SORT1: variants seen among roughly 807,000 people sequenced by gnomAD.
The protein encoded by SORT1 is sortilin.
A neutral mutation model predicts 101.7 loss-of-function variants in SORT1; 39 were observed. The observed-to-expected ratio is 0.38, with a 90% CI of 0.30 to 0.50. The LOEUF (loss-of-function observed/expected upper bound fraction) is 0.50, where lower values mean the gene tolerates loss of function less well. Among genes scored for constraint, SORT1 ranks in the 20% least tolerant of loss-of-function variants. The probability of loss-of-function intolerance (pLI) is 0.90; values close to 1 mark genes in which losing one functional copy is unlikely to be tolerated. For synonymous variants in SORT1, 396 were observed against 393.7 expected, an observed-to-expected ratio of 1.01 and a Z score of -0.07; for missense variants, 878 against 1,040.4, an observed-to-expected ratio of 0.84 and a Z score of 2.15.
At chr1:109,344,951 C>T (rs1337662812) in intron 8 of SORT1, among the ~76,000 whole-genome samples, 1 of 152,160 alleles carries the variant, frequency 6.6e-6, no homozygotes, top group African/African-American at 2.4e-5. Flanking sequence ...CCCGCCTCAG[C>T]CTCCCAAAGT....
intron 1 of SORT1, among the ~76,000 whole-genome samples, chr1:109,378,699 GATATATATATATATATATATATATAT>G (rs58847953): frequency 0.12 from 4,350 of 35,550 alleles, 262 homozygotes; most frequent in Middle Eastern, 0.17. Context: ...TAGAGTGAAT[GATATATATATATATATATATATATAT>G]ATATATATAT....
At chr1:109,389,878 C>T (rs1037132625) in intron 1 of SORT1, 1 of 152,314 alleles carries the variant, frequency 6.6e-6, no homozygotes, top group Non-Finnish European at 1.5e-5. Context: ...CCTCTGGTTC[C>T]TCCAGCTCTA....
chr1:109,354,162 C>T (rs922487862), intron 5 of SORT1, among the ~76,000 whole-genome samples: 1 of 152,148 alleles, frequency 6.6e-6, no homozygotes, highest in African/African-American at 2.4e-5. Flanking sequence ...GACAACTAGG[C>T]ATCACACTTA....
In SORT1 at chr1:109,312,786, T is replaced by G. The variant is rs1658803407; in HGVS notation, c.*1257A>C. ...ATAATTTATTTAATTTAGAGAGGTA[T>G]CAAATGGAAAACTTCTTTTAATCCA... On this transcript the variant is annotated 3_prime_UTR_variant, in exon 20 of 20. Transcript: ENST00000256637. 1.3e-5 allele frequency: 2 copies of G among 152,200 alleles called. No individual in the cohort carries two copies. The highest frequency in any genetic ancestry group is 2.9e-5 in the Non-Finnish European group (2 of 68,038). 9.4% of individuals were successfully genotyped at this position (152,200 alleles called of 1,614,324 possible).
chr1:109,351,152 G>A (rs1649929026), intron 5 of SORT1, 150 bp from the exon 6 acceptor site: 9 of 666,942 alleles, frequency 1.3e-5, no homozygotes, highest in South Asian at 8.7e-5. Flanking sequence ...AGACACACAC[G>A]TAGTTTATCT....
chr1:109,327,714 A>AG (rs1314378196), intron 11 of SORT1, 113 bp from the exon 12 acceptor site: 17 of 578,070 alleles, frequency 2.9e-5, no homozygotes, highest in African/African-American at 2.7e-4. Flanking sequence ...CCTAGGTAAA[A>AG]GTACTATCTT....
chr1:109,397,851 C>G lies in SORT1; in HGVS notation c.42G>C (p.Trp14Cys). 7.7e-7 allele frequency: 1 copy of G among 1,291,062 alleles called. No homozygotes were observed. Among genetic ancestry groups the G allele is most frequent in the Non-Finnish European group, 9.9e-7 (1 of 1,008,404 alleles). 80.0% of individuals were successfully genotyped at this position (1,291,062 alleles called of 1,614,324 possible). Residue 14 changes from tryptophan to cysteine, a missense_variant, in exon 1 of 20, where the codon TGG (tryptophan) becomes TGC (cysteine). Coordinates refer to ENST00000256637, the MANE Select transcript of SORT1 (RefSeq NM_002959.7). ...GGAGGAGGAGGCCGAGGCCATGGGGCCAGCGCGAGAGGCCGTCCGCAGCTC... is the reference window on the plus strand; with the variant it reads ...GGAGGAGGAGGCCGAGGCCATGGGGGCAGCGCGAGAGGCCGTCCGCAGCTC... Reference protein sequence around the residue: ...PWGAADGLSRWPHGLGLLLLL... With the variant: ...PWGAADGLSRCPHGLGLLLLL...
intron 1 of SORT1, chr1:109,397,287 C>T (rs1653237292): frequency 6.5e-6 from 1 of 153,146 alleles, no homozygotes; most frequent in Non-Finnish European, 1.4e-5. Flanking sequence ...AACAGCGTTA[C>T]TGGGTCCTGA....
rs568425558 is a variant in SORT1 at position 109,325,254 on chromosome 1, T to C, written c.1644-165A>G. 8.6e-3 allele frequency among the ~76,000 whole-genome samples: 817 copies of C among 95,362 alleles called. 6 individuals are homozygous for C. The highest frequency in any genetic ancestry group is 0.024 in the African/African-American group (743 of 30,372). 62.6% of individuals were successfully genotyped at this position (95,362 alleles called of 152,430 possible). A position where few individuals can be genotyped will look rare whatever the true frequency, so the allele number is the denominator to read the frequency against. ...AACTTTTTTTTTTTTTTTTTTTTTT[T>C]CTGAGATGGAGTCTCACTCTGTCAC... is the stretch of plus-strand genomic sequence containing the variant. On this transcript the variant is annotated intron_variant, in intron 13 of 19. Transcript: ENST00000256637.
At chr1:109,359,862 T>C (rs1005842894) in intron 3 of SORT1, among the ~76,000 whole-genome samples, 2 of 152,130 alleles carry the variant, frequency 1.3e-5, no homozygotes, top group Admixed American at 6.5e-5. Context: ...CATCTAAATA[T>C]CATCTATATC....
chr1:109,352,508 C>T (rs1028857116), intron 5 of SORT1, among the ~76,000 whole-genome samples: 7 of 152,144 alleles, frequency 4.6e-5, no homozygotes, highest in South Asian at 4.1e-4. Flanking sequence ...TACTGAGCTC[C>T]GCCTCAGTGG....
chr1:109,331,132 C>CA (rs1449905826), intron 11 of SORT1, among the ~76,000 whole-genome samples: 1 of 152,116 alleles, frequency 6.6e-6, no homozygotes, highest in Admixed American at 6.6e-5. Flanking sequence ...GGTGGTATTA[C>CA]CCTGCTACCA....
At chr1:109,325,231 C>CTTTTTTTTTT (rs35552184) in intron 13 of SORT1, 142 bp from the exon 14 acceptor site, 1 of 183,350 alleles carries the variant, frequency 5.5e-6, no homozygotes, top group Non-Finnish European at 9.5e-6. Flanking sequence ...ATTATTTTAA[C>CTTTTTTTTTT]TTTTTTTTTT....
intron 3 of SORT1, among the ~76,000 whole-genome samples, chr1:109,358,498 G>A (rs906322291): frequency 1.3e-5 from 2 of 152,136 alleles, no homozygotes; most frequent in Admixed American, 1.3e-4. Flanking sequence ...AATTAATAGC[G>A]TTATGAACAG....
In SORT1 at chr1:109,310,560, T is replaced by C. The variant is rs1182492320; in HGVS notation, c.*3483A>G. On this transcript the variant is annotated 3_prime_UTR_variant, in exon 20 of 20. Transcript: ENST00000256637. ...GTTCATTTTCCTGCTTCAGGGAAGA[T>C]GGTAGCAAAGTTGAAAGCCGAATCC... 4 of 153,894 alleles carry C rather than the reference T, an allele frequency of 2.6e-5. No individual in the cohort carries two copies. The East Asian group carries it at 7.7e-4, about 30-fold the overall frequency. The allele number at this position is 153,894 out of a possible 1,614,324, so 9.5% of individuals were successfully genotyped here. A position where few individuals can be genotyped will look rare whatever the true frequency, so the allele number is the denominator to read the frequency against.
intron 3 of SORT1, among the ~76,000 whole-genome samples, chr1:109,358,673 G>A (rs944230010): frequency 2.6e-5 from 4 of 152,180 alleles, no homozygotes; most frequent in African/African-American, 9.6e-5. Context: ...GGCCAAGATG[G>A]TGAAACCCTG....
At position 109,342,086 on chromosome 1, in the gene SORT1, C is replaced by G; in HGVS notation, c.1036G>C (p.Gly346Arg). The part of the protein sequence containing the change: ...TWSMAQLPSV[G>R]QEQFYSILAA... ...AGAATAGAATAGAACTGTTCCTGTC[C>G]CACGGAGGGGAGCTGGGCCATGCTC... Residue 346 changes from glycine (G) to arginine (R), a missense_variant, in exon 9 of 20, where the codon GGA becomes CGA. Gly to Arg is a moderately radical substitution (Grantham distance 125, BLOSUM62 -2). Around this residue, in one of 2 missense-constraint regions of SORT1, gnomAD observed 684 missense variants for 894.5 expected, o/e 0.76. Transcript: ENST00000256637. 6.2e-7 allele frequency: 1 copy of G among 1,613,566 alleles called. No individual in the cohort carries two copies. Among genetic ancestry groups the G allele is most frequent in the South Asian group, 1.1e-5 (1 of 91,070 alleles).
intron 1 of SORT1, among the ~76,000 whole-genome samples, chr1:109,389,307 G>T (rs1220345108): frequency 4.0e-5 from 6 of 151,820 alleles, no homozygotes; most frequent in Admixed American, 1.3e-4. Flanking sequence ...GGCCTAGAAA[G>T]GCTAGTTGAG....
intron 1 of SORT1, among the ~76,000 whole-genome samples, chr1:109,373,709 C>T (rs1311171788): frequency 2.0e-5 from 3 of 152,112 alleles, no homozygotes; most frequent in African/African-American, 7.2e-5. Context: ...ACCAGTGTTC[C>T]AGAACAAAGT....
Sources: allele counts gnomAD v4.1 joint callset (sites outside exome capture counted in the v4.1 genomes callset), GRCh38; gene constraint gnomAD v4.1.1; regional missense constraint gnomAD v4.1.1; transcripts MANE v1.5; gene names NCBI Gene and HGNC (gene_info 2026-07-23, HGNC 2026-07-21).